Variants in EPB41L4A observed in about 807,000 individuals in gnomAD.
EPB41L4A encodes erythrocyte membrane protein band 4.1 like 4A.
EPB41L4A carries 100 observed loss-of-function variants against 108.6 expected under a neutral mutation model. The ratio of observed to expected loss-of-function variants is 0.92; its 90% CI spans 0.78 to 1.09. The LOEUF (loss-of-function observed/expected upper bound fraction) is 1.09, where lower values mean the gene tolerates loss of function less well. Ranked by LOEUF, EPB41L4A falls within the 50% of genes least tolerant of loss-of-function variation. EPB41L4A has a pLI of 0.00. For missense variants in EPB41L4A, 1,030 were observed against 842.7 expected (o/e 1.22, Z -2.75); for synonymous variants, 319 against 289.0 (o/e 1.10, Z -1.05).
intron 17 of EPB41L4A, among the ~76,000 whole-genome samples, chr5:112,189,405 A>AG (rs1052937825): frequency 1.3e-5 from 2 of 152,222 alleles, no homozygotes; most frequent in Non-Finnish European, 2.9e-5. Context: ...TAAAGTAACC[A>AG]GCTCAAAGCC....
upstream of EPB41L4A, chr5:112,419,320 C>A (rs929254679): frequency 7.5e-5 from 26 of 345,136 alleles, no homozygotes; most frequent in Non-Finnish European, 2.1e-5. Flanking sequence ...TCCTGCGGCT[C>A]GAGCTCCTCC....
At chr5:112,352,398 T>C (rs1386918383) in intron 1 of EPB41L4A, among the ~76,000 whole-genome samples, 1 of 152,212 alleles carries the variant, frequency 6.6e-6, no homozygotes, top group African/African-American at 2.4e-5. Context: ...TCAATTTCCA[T>C]GTATTTGTAG....
At chr5:112,282,471 A>T (rs924690615) in intron 2 of EPB41L4A, among the ~76,000 whole-genome samples, 1 of 152,240 alleles carries the variant, frequency 6.6e-6, no homozygotes, top group Non-Finnish European at 1.5e-5. Flanking sequence ...TTAGAGGCTA[A>T]AACAACACCT....
chr5:112,416,382 T>C (rs1762720909), intron 1 of EPB41L4A, among the ~76,000 whole-genome samples: 1 of 152,150 alleles, frequency 6.6e-6, no homozygotes, highest in African/African-American at 2.4e-5. Context: ...ATCAGTAAAA[T>C]TATTTCTACT....
At chr5:112,260,423 C>T (rs771876602) in intron 7 of EPB41L4A, among the ~76,000 whole-genome samples, 3 of 152,172 alleles carry the variant, frequency 2.0e-5, no homozygotes, top group African/African-American at 7.2e-5. Flanking sequence ...TACTTCTGTA[C>T]AGTTAAAGAC....
At position 112,264,947 on chromosome 5, in the gene EPB41L4A, T is replaced by G. The variant is rs748819816; in HGVS notation, c.503A>C (p.Asp168Ala). Residue 168 changes from aspartate (D) to alanine (A), a missense_variant, in exon 6 of 23, where the codon GAT becomes GCT. Asp to Ala is a moderately radical substitution (Grantham distance 126). Transcript: ENST00000261486. ...GYVSEYRFVP[D>A]QKEELEEAIE... ...GGCTTCTTCAAGTTCTTCCTTCTGA[T>G]CAGGAACAAACCGGTACTCAGATAC... The G allele has an allele frequency of 1.2e-6, 2 of 1,612,454 alleles. No homozygotes were observed. The highest frequency in any genetic ancestry group is 1.7e-5 in the Admixed American group (1 of 59,738).
At chr5:112,353,221 G>A in intron 1 of EPB41L4A, among the ~76,000 whole-genome samples, 1 of 151,696 alleles carries the variant, frequency 6.6e-6, no homozygotes, top group South Asian at 2.1e-4. Flanking sequence ...AGTGAACCAA[G>A]CATGCCTGTT....
intron 11 of EPB41L4A, among the ~76,000 whole-genome samples, chr5:112,238,996 G>C (rs1158512015): frequency 6.6e-6 from 1 of 152,140 alleles, no homozygotes; most frequent in Non-Finnish European, 1.5e-5. Context: ...TTATAAACAT[G>C]AGCTCTGCAG....
intron 9 of EPB41L4A, among the ~76,000 whole-genome samples, chr5:112,251,186 C>A (rs990320592): frequency 6.6e-6 from 1 of 152,078 alleles, no homozygotes; most frequent in Non-Finnish European, 1.5e-5. Flanking sequence ...GTTGGAGACA[C>A]AAAATGGTAC....
intron 2 of EPB41L4A, among the ~76,000 whole-genome samples, chr5:112,290,909 A>G (rs1057105177): frequency 3.3e-5 from 5 of 152,152 alleles, no homozygotes; most frequent in Non-Finnish European, 7.4e-5. Context: ...TACAATTCAC[A>G]TGGTTAGCAC....
At chr5:112,339,469 T>C (rs55910174) in intron 1 of EPB41L4A, among the ~76,000 whole-genome samples, 8,555 of 58,622 alleles carry the variant, frequency 0.15, 313 homozygotes, top group Non-Finnish European at 0.17. Context: ...TAGATATATA[T>C]ATATCTATAT....
rs537276629 is a variant in EPB41L4A, at chr5:112,283,910, T to TA, written c.205-3588dup. Among the ~76,000 whole-genome samples the TA allele has an allele frequency of 5.8e-3, 887 of 152,260 alleles. 2 individuals carry two copies. Among genetic ancestry groups the TA allele is most frequent in the Middle Eastern group, 0.014 (4 of 294 alleles). On this transcript the variant is annotated intron_variant, in intron 2 of 22. Coordinates refer to ENST00000261486, the MANE Select transcript of EPB41L4A (RefSeq NM_022140.5). ...CAGGGTGAGTATACAATGGCTTTAC[T>TA]AAAAAAATCGTTAAATAGCATGTTC...
chr5:112,308,605 A>G (rs886201400), intron 1 of EPB41L4A, among the ~76,000 whole-genome samples: 2 of 152,228 alleles, frequency 1.3e-5, no homozygotes, highest in Non-Finnish European at 2.9e-5. Context: ...CCATTAAATA[A>G]TTTATAAACA....
intron 1 of EPB41L4A, among the ~76,000 whole-genome samples, chr5:112,393,353 T>G (rs532801101): frequency 2.6e-5 from 4 of 151,184 alleles, no homozygotes; most frequent in Non-Finnish European, 5.9e-5. Context: ...GCAAGACTAA[T>G]AAAGAAGAAA....
chr5:112,184,097 T>C lies in EPB41L4A; in HGVS notation c.1541A>G (p.Gln514Arg), dbSNP rs765388574. The C allele has an allele frequency of 9.3e-6, 15 of 1,613,882 alleles. No homozygotes were observed. In the African/African-American group the frequency reaches 1.7e-4, roughly 19 times the overall value. Residue 514 changes from glutamine to arginine, a missense_variant, in exon 18 of 23, where the codon CAG becomes CGG. By Grantham distance (43) the Gln-to-Arg change is conservative. Transcript: ENST00000261486. The stretch of plus-strand genomic sequence containing the variant: ...TTGTCTCCTTAATACAGCTTCCCAC[T>C]GAGGCGCTGAATCAACCATATCATT... Reference protein sequence around the residue: ...QENDMVDSAPQWEAVLRRQKE... With the variant: ...QENDMVDSAPRWEAVLRRQKE...
At chr5:112,369,364 A>C (rs1392014478) in intron 1 of EPB41L4A, among the ~76,000 whole-genome samples, 20 of 152,174 alleles carry the variant, frequency 1.3e-4, no homozygotes, top group Admixed American at 1.3e-3. Context: ...CACTTCCCTG[A>C]CGCAATCCAG....
At chr5:112,365,923 A>G (rs1413361474) in intron 1 of EPB41L4A, among the ~76,000 whole-genome samples, 1 of 152,240 alleles carries the variant, frequency 6.6e-6, no homozygotes, top group African/African-American at 2.4e-5. Flanking sequence ...CTGATAAGAC[A>G]AAGTACAAGG....
At chr5:112,202,285 C>T (rs993097789) in intron 15 of EPB41L4A, among the ~76,000 whole-genome samples, 1 of 152,146 alleles carries the variant, frequency 6.6e-6, no homozygotes, top group Admixed American at 6.5e-5. Context: ...CTCAGGATTG[C>T]CTGCTCAAAG....
At chr5:112,244,232 G>A (rs1448954647) in intron 9 of EPB41L4A, among the ~76,000 whole-genome samples, 6 of 152,210 alleles carry the variant, frequency 3.9e-5, no homozygotes, top group Non-Finnish European at 2.9e-5. Context: ...TGGCCAGTCT[G>A]TGGAGCAGTC....
Sources: allele counts gnomAD v4.1 joint callset (sites outside exome capture counted in the v4.1 genomes callset), GRCh38; gene constraint gnomAD v4.1.1; transcripts MANE v1.5; gene names NCBI Gene and HGNC (gene_info 2026-07-23, HGNC 2026-07-21).